SLC28A3: variants seen among roughly 807,000 people sequenced by gnomAD.
SLC28A3 encodes the protein solute carrier family 28 member 3, also known as concentrative Na(+)-nucleoside cotransporter 3.
Under a neutral mutation model 84.2 loss-of-function variants are expected in SLC28A3, and 68 were observed. The observed-to-expected ratio is 0.81, with a 90% CI of 0.66 to 0.99. The LOEUF (loss-of-function observed/expected upper bound fraction) is 0.99, where lower values mean the gene tolerates loss of function less well. Among genes scored for constraint, SLC28A3 ranks in the 50% least tolerant of loss-of-function variants. The pLI is 0.00. For missense variants in SLC28A3, 712 were observed against 841.5 expected, an observed-to-expected ratio of 0.85 and a Z score of 1.90; for synonymous variants, 267 against 303.6, an observed-to-expected ratio of 0.88 and a Z score of 1.25.
the SLC28A3 span, among the ~76,000 whole-genome samples, chr9:84,358,034 GAT>G: frequency 2.6e-5 from 4 of 152,188 alleles, no homozygotes; most frequent in African/African-American, 7.2e-5. Context: ...TACGAGCTGA[GAT>G]ATAGTTGTGG....
chr9:84,299,429 G>A, intron 6 of SLC28A3, 152 bp downstream of exon 6: 1 of 957,500 alleles, frequency 1.0e-6, no homozygotes, highest in South Asian at 1.8e-5. Context: ...TGAAAGTTCA[G>A]GAAGATAGGG....
chr9:84,305,192 G>T, intron 4 of SLC28A3, 62 bp downstream of exon 4: 1 of 1,273,380 alleles, frequency 7.9e-7, no homozygotes. Flanking sequence ...TAATATTTGG[G>T]GGAATCCCTG....
intron 15 of SLC28A3, among the ~76,000 whole-genome samples, chr9:84,280,541 T>C (rs191723928): frequency 1.4e-4 from 21 of 152,300 alleles, no homozygotes; most frequent in African/African-American, 4.3e-4. Context: ...CCTATTGGCA[T>C]TGGCATGTAA....
chr9:84,328,518 G>A (rs896950530), intron 1 of SLC28A3, among the ~76,000 whole-genome samples: 9 of 152,050 alleles, frequency 5.9e-5, no homozygotes, highest in Admixed American at 5.9e-4. Flanking sequence ...CAGCACTTTG[G>A]GAGGCTGAGG....
intron 5 of SLC28A3, among the ~76,000 whole-genome samples, chr9:84,301,700 C>T (rs980246044): frequency 6.6e-6 from 1 of 152,182 alleles, no homozygotes; most frequent in African/African-American, 2.4e-5. Context: ...TAACCCAATT[C>T]TTTATTTACA....
chr9:84,354,998 T>TTA, the SLC28A3 span, among the ~76,000 whole-genome samples: 2 of 152,214 alleles, frequency 1.3e-5, no homozygotes, highest in Non-Finnish European at 1.5e-5. Context: ...AAGCTATACC[T>TTA]TATATATCAA....
chr9:84,337,441 T>TGTGTGTGTGTGC lies in SLC28A3; in HGVS notation c.60+3132_60+3133insGCACACACACAC, dbSNP rs1364543892. 1.1e-4 allele frequency among the ~76,000 whole-genome samples: 16 copies of TGTGTGTGTGTGC among 151,016 alleles called. No individual in the cohort carries two copies. In the East Asian group the frequency reaches 1.7e-3, roughly 16 times the overall value. ...GCCTGGGGATGCTAGCCTGTGTGTG[T>TGTGTGTGTGTGC]GCGCGCGCGTGTGTGTATGCGTATG... On this transcript the variant is annotated intron_variant, in intron 1 of 17. Coordinates refer to ENST00000376238, the MANE Select transcript of SLC28A3 (RefSeq NM_001199633.2).
At chr9:84,316,377 A>G (rs1826170246) in intron 1 of SLC28A3, among the ~76,000 whole-genome samples, 1 of 152,352 alleles carries the variant, frequency 6.6e-6, no homozygotes, top group South Asian at 2.1e-4. Flanking sequence ...ATGAAAGTAG[A>G]AAGGGTGCCC....
At chr9:84,348,217 G>A in the SLC28A3 span, among the ~76,000 whole-genome samples, 1 of 152,088 alleles carries the variant, frequency 6.6e-6, no homozygotes, top group African/African-American at 2.4e-5. Context: ...GGCCGGACAT[G>A]GTGGCTCACA....
rs1048055713 is a variant in SLC28A3 at position 84,277,130 on chromosome 9, G to A, written c.*1088C>T. The stretch of plus-strand genomic sequence containing the variant: ...TTTTTCCTCAACTGCTTCTTACACG[G>A]CTTTTGATTGAAGAGTAGCTGCTTT... On this transcript the variant is annotated 3_prime_UTR_variant, in exon 18 of 18. Coordinates refer to ENST00000376238, the MANE Select transcript of SLC28A3 (RefSeq NM_001199633.2). The A allele has an allele frequency of 5.9e-5, 9 of 152,186 alleles. No individual in the cohort carries two copies. The highest frequency in any genetic ancestry group is 3.9e-4 in the Admixed American group (6 of 15,288). The allele number at this position is 152,186 out of a possible 1,614,324, so 9.4% of individuals were successfully genotyped here.
intron 11 of SLC28A3, 67 bp from the exon 12 acceptor site, chr9:84,288,245 C>A: frequency 1.2e-6 from 2 of 1,602,064 alleles, no homozygotes. Flanking sequence ...AGGAAGGGTC[C>A]AAGAGCTCCG....
chr9:84,301,712 G>A (rs1458701718), intron 5 of SLC28A3, among the ~76,000 whole-genome samples: 1 of 152,132 alleles, frequency 6.6e-6, no homozygotes, highest in Non-Finnish European at 1.5e-5. Context: ...TTATTTACAG[G>A]TACTGAGATT....
rs771634430 is a variant in SLC28A3, at chr9:84,288,195, AAG to A, written c.1150-19_1150-18del. The A allele has an allele frequency of 6.2e-6, 10 of 1,613,670 alleles. No individual in the cohort carries two copies. The East Asian group carries it at 1.8e-4, about 29-fold the overall frequency. On this transcript the variant is annotated intron_variant, in intron 11 of 17. Coordinates refer to ENST00000376238, the MANE Select transcript of SLC28A3 (RefSeq NM_001199633.2). ...GGATGGAACCTGCAATTTCAGAAGA[AAG>A]AAGGCAAACCTGGGATTAGCTTTTT...
chr9:84,349,835 A>G, the SLC28A3 span, among the ~76,000 whole-genome samples: 1 of 152,254 alleles, frequency 6.6e-6, no homozygotes, highest in Non-Finnish European at 1.5e-5. Flanking sequence ...CAGGAAGTGC[A>G]TTCTTGAGTC....
chr9:84,294,476 T>C (rs1161010020), intron 8 of SLC28A3, among the ~76,000 whole-genome samples: 1 of 152,250 alleles, frequency 6.6e-6, no homozygotes, highest in African/African-American at 2.4e-5. Context: ...TTTTTTCCCC[T>C]GTCTTCTATG....
chr9:84,337,462 G>A (rs554476272), intron 1 of SLC28A3, among the ~76,000 whole-genome samples: 85 of 152,108 alleles, frequency 5.6e-4, no homozygotes, highest in African/African-American at 2.0e-3. Context: ...GTGTGTATGC[G>A]TATGTGGGTG....
chr9:84,340,029 G>A (rs1424476480), intron 1 of SLC28A3, among the ~76,000 whole-genome samples: 1 of 152,182 alleles, frequency 6.6e-6, no homozygotes, highest in Non-Finnish European at 1.5e-5. Context: ...AAATAGCCTG[G>A]TGTTTCTGAC....
intron 2 of SLC28A3, chr9:84,310,681 G>T: frequency 1.3e-6 from 1 of 781,068 alleles, no homozygotes; most frequent in Non-Finnish European, 1.6e-6. Context: ...AAACTCCATT[G>T]TTCTTCTGAT....
At chr9:84,298,180 A>G (rs1825488750) in intron 6 of SLC28A3, among the ~76,000 whole-genome samples, 161 bp from the exon 7 acceptor site, 3 of 152,138 alleles carry the variant, frequency 2.0e-5, no homozygotes, top group Non-Finnish European at 4.4e-5. Context: ...GAACCCTTTG[A>G]TAGAACCATA....
Sources: gnomAD v4.1 joint callset for allele counts (sites outside exome capture counted in the v4.1 genomes callset) on GRCh38, gnomAD v4.1.1 for gene constraint, MANE v1.5 for transcripts, NCBI Gene and HGNC (gene_info 2026-07-23, HGNC 2026-07-21) for gene names.